Variants in HIVEP3 observed in about 807,000 individuals in gnomAD.
HIVEP3 encodes transcription factor HIVEP3.
Under a neutral mutation model 152.8 loss-of-function variants are expected in HIVEP3, and 49 were observed. That is an observed-to-expected ratio of 0.32 (90% CI 0.26 to 0.41). The LOEUF (loss-of-function observed/expected upper bound fraction) is 0.41. HIVEP3 is among the 10% of genes least tolerant of loss of function. The probability of loss-of-function intolerance (pLI) is 1.00; values close to 1 mark genes in which losing one functional copy is unlikely to be tolerated. For missense variants in HIVEP3, 2,790 were observed against 3,103.3 expected (o/e 0.90, Z 2.40); for synonymous variants, 1,269 against 1,289.0 (o/e 0.98, Z 0.33).
At chr1:41,837,786 G>T (rs1643169585) in intron 1 of HIVEP3, among the ~76,000 whole-genome samples, 1 of 152,156 alleles carries the variant, frequency 6.6e-6, no homozygotes, top group Non-Finnish European at 1.5e-5. Flanking sequence ...ACAGTGCCTG[G>T]TACCCAGTAG....
chr1:41,838,763 G>C (rs1643200927), intron 1 of HIVEP3, among the ~76,000 whole-genome samples: 1 of 152,174 alleles, frequency 6.6e-6, no homozygotes, highest in Non-Finnish European at 1.5e-5. Context: ...GACACAGTGA[G>C]AGGAAGGACT....
At chr1:41,639,015 C>G (rs111309356) in intron 2 of HIVEP3, among the ~76,000 whole-genome samples, 32 of 152,294 alleles carry the variant, frequency 2.1e-4, no homozygotes, top group African/African-American at 7.7e-4. Flanking sequence ...CCCTGCCACC[C>G]TCCTGACACC....
In HIVEP3 at chr1:41,662,901, G is replaced by T. The variant is rs1020736512; in HGVS notation, c.-720-33954C>A. 2.8e-4 allele frequency among the ~76,000 whole-genome samples: 43 copies of T among 152,152 alleles called. No individual in the cohort carries two copies. Among genetic ancestry groups the T allele is most frequent in the African/African-American group, 1.0e-3 (42 of 41,450 alleles). ...CGCCTTCCCCCTGGGTGCCAGCCGGGCTCCGGGAAGCCCGCGCCTCCCCAG... is the reference window on the plus strand; with the variant it reads ...CGCCTTCCCCCTGGGTGCCAGCCGGTCTCCGGGAAGCCCGCGCCTCCCCAG... On this transcript the variant is annotated intron_variant, in intron 2 of 8. Coordinates refer to ENST00000372583, the MANE Select transcript of HIVEP3 (RefSeq NM_024503.5). The surrounding 1 kb of genome is among the most constrained non-coding windows in gnomAD (Gnocchi z 7.2).
At chr1:41,974,394 C>T (rs1645247951) in intron 1 of HIVEP3, among the ~76,000 whole-genome samples, 2 of 151,742 alleles carry the variant, frequency 1.3e-5, no homozygotes, top group South Asian at 4.2e-4. Context: ...TCTAAGCTGG[C>T]TTGGCCACTC....
intron 2 of HIVEP3, among the ~76,000 whole-genome samples, chr1:41,673,049 G>A (rs1435208170): frequency 6.6e-6 from 1 of 152,216 alleles, no homozygotes; most frequent in Non-Finnish European, 1.5e-5. Flanking sequence ...TGTGGACATG[G>A]AGTTATTTGA....
chr1:41,675,734 A>G (rs1271574456), intron 2 of HIVEP3, among the ~76,000 whole-genome samples: 2 of 152,060 alleles, frequency 1.3e-5, no homozygotes, highest in Non-Finnish European at 2.9e-5. Flanking sequence ...AGAGTTTACC[A>G]CTCATCGTGA....
At chr1:41,798,597 G>A (rs1650116609) in intron 1 of HIVEP3, among the ~76,000 whole-genome samples, 1 of 152,032 alleles carries the variant, frequency 6.6e-6, no homozygotes, top group South Asian at 2.1e-4. Flanking sequence ...AAAACCTCTG[G>A]GTAGCTGGTT....
At chr1:42,005,103 T>C (rs1278831296) in intron 1 of HIVEP3, among the ~76,000 whole-genome samples, 6 of 152,130 alleles carry the variant, frequency 3.9e-5, no homozygotes, top group Non-Finnish European at 7.4e-5. Flanking sequence ...CCCTCCACCC[T>C]ACCCCATACA....
intron 1 of HIVEP3, among the ~76,000 whole-genome samples, chr1:42,010,526 C>T (rs1452401427): frequency 6.6e-6 from 1 of 152,176 alleles, no homozygotes; most frequent in Non-Finnish European, 1.5e-5. Context: ...CAAGCAAGTA[C>T]ATCTGGAACT....
chr1:41,666,980 C>G (rs968082351), intron 2 of HIVEP3, among the ~76,000 whole-genome samples: 1 of 152,178 alleles, frequency 6.6e-6, no homozygotes, highest in African/African-American at 2.4e-5. Flanking sequence ...TTTCCCCTCA[C>G]CCATCTGCTT....
At chr1:41,679,444 G>A (rs1646005532) in intron 2 of HIVEP3, among the ~76,000 whole-genome samples, 1 of 152,220 alleles carries the variant, frequency 6.6e-6, no homozygotes, top group African/African-American at 2.4e-5. Context: ...CCCCAGTTGG[G>A]TGCGTGGGAC....
intron 1 of HIVEP3, among the ~76,000 whole-genome samples, chr1:41,863,203 A>T (rs1643910172): frequency 6.6e-6 from 1 of 152,218 alleles, no homozygotes; most frequent in African/African-American, 2.4e-5. Context: ...CTGCAGGGTC[A>T]GATCTGCTTC....
chr1:41,633,198 T>C (rs1410730228), intron 2 of HIVEP3, among the ~76,000 whole-genome samples: 2 of 150,146 alleles, frequency 1.3e-5, no homozygotes, highest in African/African-American at 2.5e-5. Flanking sequence ...CTCCCTCTTC[T>C]CCCCCCCGCA....
intron 1 of HIVEP3, among the ~76,000 whole-genome samples, chr1:41,724,961 G>A (rs1646731389): frequency 1.3e-5 from 2 of 152,132 alleles, no homozygotes. Flanking sequence ...GTTTCACAAT[G>A]GTCTACTTAG....
chr1:41,989,105 T>G (rs901112426), intron 1 of HIVEP3, among the ~76,000 whole-genome samples: 1 of 152,056 alleles, frequency 6.6e-6, no homozygotes, highest in African/African-American at 2.4e-5. Flanking sequence ...GACATAAAAT[T>G]TCAGTTAGAT....
rs370555524 is a variant in HIVEP3, at chr1:41,513,402, G to A, written c.5819C>T (p.Pro1940Leu). The A allele has an allele frequency of 3.1e-6, 5 of 1,611,936 alleles. No homozygotes were observed. The highest frequency in any genetic ancestry group is 4.2e-6 in the Non-Finnish European group (5 of 1,179,304). Residue 1940 changes from proline to leucine, a missense_variant, in exon 8 of 9, where the codon CCC becomes CTC. Physicochemically the swap from Pro to Leu is moderately conservative, Grantham distance 98. This residue lies in a region of HIVEP3 where 816 missense variants were observed against 806.5 expected (regional missense o/e 1.01). Coordinates refer to ENST00000372583, the MANE Select transcript of HIVEP3 (RefSeq NM_024503.5). Reference sequence around the variant, plus strand: ...GCCCAGAGGGGCCGGTCCCAGCCAGGGGAGGCCCGGCATGCTCTGGCTGGA... The same window carrying A: ...GCCCAGAGGGGCCGGTCCCAGCCAGAGGAGGCCCGGCATGCTCTGGCTGGA... ...SMSSQSMPGL[P>L]WLGPAPLGSV...
chr1:41,566,386 C>A (rs1644163726), intron 5 of HIVEP3, among the ~76,000 whole-genome samples: 1 of 152,164 alleles, frequency 6.6e-6, no homozygotes. Context: ...CCCTGCAGGT[C>A]CCCAGGGCTT....
chr1:41,785,018 G>C (rs945867854), intron 1 of HIVEP3, among the ~76,000 whole-genome samples: 1 of 152,124 alleles, frequency 6.6e-6, no homozygotes, highest in African/African-American at 2.4e-5. Flanking sequence ...GATCCCCCAA[G>C]AGGGCAGCAA....
At chr1:41,723,367 G>A (rs375740795) in intron 1 of HIVEP3, among the ~76,000 whole-genome samples, 11 of 151,970 alleles carry the variant, frequency 7.2e-5, no homozygotes, top group African/African-American at 1.4e-4. Flanking sequence ...TTGTTGTAAC[G>A]GAAAGTCATG....
Sources: allele counts gnomAD v4.1 joint callset (sites outside exome capture counted in the v4.1 genomes callset), GRCh38; gene constraint gnomAD v4.1.1; regional missense constraint gnomAD v4.1.1; non-coding constraint Gnocchi (gnomAD v3.1); transcripts MANE v1.5; gene names NCBI Gene and HGNC (gene_info 2026-07-23, HGNC 2026-07-21).